TRIM44: variants seen among roughly 807,000 people sequenced by gnomAD.
The protein encoded by TRIM44 is tripartite motif containing 44.
A neutral mutation model predicts 37.4 loss-of-function variants in TRIM44; 13 were observed. The observed-to-expected ratio is 0.35, with a 90% CI of 0.23 to 0.55. The LOEUF (loss-of-function observed/expected upper bound fraction) is 0.55. TRIM44 is among the 20% of genes least tolerant of loss of function. TRIM44 has a pLI of 0.89. For synonymous variants in TRIM44, 175 were observed against 157.2 expected (o/e 1.11, Z -0.85); for missense variants, 426 against 437.2 (o/e 0.97, Z 0.23).
chr11:35,787,599 C>A (rs1231074693), intron 4 of TRIM44, among the ~76,000 whole-genome samples: 5 of 152,104 alleles, frequency 3.3e-5, no homozygotes, highest in Non-Finnish European at 7.4e-5. Context: ...CTTCCTTTTA[C>A]AAATCTTCTT....
chr11:35,697,226 A>G (rs1245839224), intron 2 of TRIM44, among the ~76,000 whole-genome samples: 2 of 54,290 alleles, frequency 3.7e-5, no homozygotes. Context: ...CCCCCACCCC[A>G]CAACAGGCCC....
chr11:35,663,129 C>T lies in TRIM44; in HGVS notation c.18C>T (p.Gly6=). The T allele has an allele frequency of 1.3e-6, 2 of 1,529,458 alleles. No individual in the cohort carries two copies. Among genetic ancestry groups the T allele is most frequent in the Non-Finnish European group, 1.8e-6 (2 of 1,141,914 alleles). 94.7% of individuals were successfully genotyped at this position (1,529,458 alleles called of 1,614,324 possible). The change falls in exon 1 of 5, where the codon GGC becomes GGT. Residue 6 remains glycine (G), a synonymous_variant. Transcript: ENST00000299413. MASGV[G]AAFEELPHDG... ...GCACCCACATGGCCTCTGGAGTGGG[C>T]GCGGCCTTCGAGGAACTGCCTCACG... is the stretch of plus-strand genomic sequence containing the variant.
intron 4 of TRIM44, among the ~76,000 whole-genome samples, chr11:35,751,089 T>C (rs954912694): frequency 6.6e-6 from 1 of 152,180 alleles, no homozygotes; most frequent in African/African-American, 2.4e-5. Flanking sequence ...CCCAGCACAT[T>C]GCCTAGCACA....
chr11:35,664,390 C>T (rs1851310211), intron 1 of TRIM44, among the ~76,000 whole-genome samples: 1 of 152,178 alleles, frequency 6.6e-6, no homozygotes, highest in Non-Finnish European at 1.5e-5. Flanking sequence ...TGTCGTGGAC[C>T]TTACTGGTCC....
chr11:35,755,468 G>T (rs1161088111), intron 4 of TRIM44, among the ~76,000 whole-genome samples: 5 of 152,058 alleles, frequency 3.3e-5, no homozygotes, highest in Admixed American at 3.3e-4. Flanking sequence ...TGTTCACTCT[G>T]AGGGTAGTTT....
chr11:35,802,120 TCCAGCCA>T (rs1324552055), intron 4 of TRIM44, among the ~76,000 whole-genome samples: 5 of 152,166 alleles, frequency 3.3e-5, no homozygotes, highest in African/African-American at 1.2e-4. Context: ...GGTCAAACCA[TCCAGCCA>T]AATCAGACTT....
At chr11:35,785,008 A>G (rs1268852097) in intron 4 of TRIM44, among the ~76,000 whole-genome samples, 2 of 152,234 alleles carry the variant, frequency 1.3e-5, no homozygotes, top group Non-Finnish European at 2.9e-5. Context: ...GACCAGTGCA[A>G]TAACCTTAAA....
At chr11:35,718,958 C>T (rs1236310321) in intron 2 of TRIM44, among the ~76,000 whole-genome samples, 4 of 151,084 alleles carry the variant, frequency 2.6e-5, no homozygotes, top group Non-Finnish European at 5.9e-5. Context: ...TCTGGATGTA[C>T]CACAGTTGAT....
rs1223451992 is a variant in TRIM44 at position 35,814,134 on chromosome 11, G to A, written c.*7749G>A. 6.6e-6 allele frequency: 1 copy of A among 152,178 alleles called. No homozygotes were observed. Among genetic ancestry groups the A allele is most frequent in the East Asian group, 1.9e-4 (1 of 5,196 alleles). The allele number at this position is 152,178 out of a possible 1,614,324, so 9.4% of individuals were successfully genotyped here. A position where few individuals can be genotyped will look rare whatever the true frequency, so the allele number is the denominator to read the frequency against. The stretch of plus-strand genomic sequence containing the variant: ...AGGCAATAGTCATTCAACAAAATTG[G>A]AGCATAATAAAAAGAAACTGGACCT... On this transcript the variant is annotated 3_prime_UTR_variant, in exon 5 of 5. Coordinates refer to ENST00000299413, the MANE Select transcript of TRIM44 (RefSeq NM_017583.6).
At chr11:35,678,769 T>C (rs1851492722) in intron 1 of TRIM44, among the ~76,000 whole-genome samples, 1 of 152,032 alleles carries the variant, frequency 6.6e-6, no homozygotes, top group African/African-American at 2.4e-5. Context: ...CCGGCTTATT[T>C]TTGTATTTTT....
chr11:35,765,819 T>C (rs1852791265), intron 4 of TRIM44, among the ~76,000 whole-genome samples: 1 of 152,214 alleles, frequency 6.6e-6, no homozygotes, highest in Non-Finnish European at 1.5e-5. Context: ...TTTAGTTTCT[T>C]TTTAACCATC....
chr11:35,710,250 T>TAG (rs1422396554), intron 2 of TRIM44, among the ~76,000 whole-genome samples: 19 of 152,140 alleles, frequency 1.2e-4, no homozygotes, highest in African/African-American at 4.6e-4. Context: ...TTTATATATA[T>TAG]ATAGAGAGAG....
At chr11:35,744,214 C>T (rs1852454923) in intron 4 of TRIM44, among the ~76,000 whole-genome samples, 1 of 152,028 alleles carries the variant, frequency 6.6e-6, no homozygotes, top group African/African-American at 2.4e-5. Flanking sequence ...TACAGAACAC[C>T]CTTTTTAACT....
chr11:35,668,083 T>C lies in TRIM44; in HGVS notation c.669+4303T>C, dbSNP rs924760344. 2.6e-5 allele frequency among the ~76,000 whole-genome samples: 4 copies of C among 152,244 alleles called. No individual in the cohort carries two copies. In the East Asian group the frequency reaches 7.7e-4, roughly 29 times the overall value. ...CTATATTGATTGGTAGAACTGACCA[T>C]GGAAGCCATCTATTCCTGGAGAGAG... On this transcript the variant is annotated intron_variant, in intron 1 of 4. Transcript: ENST00000299413.
In TRIM44 at chr11:35,663,475, G is replaced by T; in HGVS notation, c.364G>T (p.Asp122Tyr). 1.3e-6 allele frequency: 2 copies of T among 1,567,924 alleles called. No individual in the cohort carries two copies. The highest frequency in any genetic ancestry group is 1.7e-6 in the Non-Finnish European group (2 of 1,155,834). The change falls in exon 1 of 5, where the codon GAT (aspartate) becomes TAT (tyrosine). Residue 122 changes from aspartate to tyrosine, a missense_variant. Physicochemically the swap from Asp to Tyr is radical, Grantham distance 160 (BLOSUM62 -3). Transcript: ENST00000299413. Reference protein sequence around the residue: ...ETEEESEDESDEESEEDSEEE... With the variant: ...ETEEESEDESYEESEEDSEEE... ...AGAGGAAGAGAGTGAGGATGAGAGC[G>T]ATGAGGAGAGTGAAGAAGACAGCGA...
intron 2 of TRIM44, among the ~76,000 whole-genome samples, chr11:35,710,883 T>C (rs536007770): frequency 5.4e-4 from 82 of 152,306 alleles, no homozygotes; most frequent in Admixed American, 1.2e-3. Flanking sequence ...CCTCCTACAG[T>C]CATATTTTGG....
At chr11:35,774,548 C>T (rs1399290935) in intron 4 of TRIM44, among the ~76,000 whole-genome samples, 5 of 152,172 alleles carry the variant, frequency 3.3e-5, no homozygotes, top group Non-Finnish European at 7.3e-5. Context: ...TTGCCCCTGC[C>T]TATGTCCTGA....
At chr11:35,674,399 A>T (rs1851436893) in intron 1 of TRIM44, among the ~76,000 whole-genome samples, 1 of 152,198 alleles carries the variant, frequency 6.6e-6, no homozygotes, top group South Asian at 2.1e-4. Flanking sequence ...AAAACCAACC[A>T]ATCAAACAAA....
chr11:35,686,477 A>G (rs772878764), intron 2 of TRIM44, among the ~76,000 whole-genome samples: 6 of 151,802 alleles, frequency 4.0e-5, no homozygotes, highest in Non-Finnish European at 8.8e-5. Context: ...AAATATACAT[A>G]CAAAATTTTA....
Sources: allele counts gnomAD v4.1 joint callset (sites outside exome capture counted in the v4.1 genomes callset), GRCh38; gene constraint gnomAD v4.1.1; transcripts MANE v1.5; gene names NCBI Gene and HGNC (gene_info 2026-07-23, HGNC 2026-07-21).